CEP162: variants seen among roughly 807,000 people sequenced by gnomAD.
CEP162 encodes the protein centrosomal protein of 162 kDa.
Under a neutral mutation model 169.2 loss-of-function variants are expected in CEP162, and 141 were observed. The observed-to-expected ratio is 0.83, with a 90% CI of 0.73 to 0.96. CEP162 has a LOEUF of 0.96. Ranked by LOEUF, CEP162 falls within the 40% of genes least tolerant of loss-of-function variation. The pLI is 0.00. For missense variants in CEP162, 1,600 were observed against 1,587.2 expected, an observed-to-expected ratio of 1.01 and a Z score of -0.14; for synonymous variants, 540 against 526.4, an observed-to-expected ratio of 1.03 and a Z score of -0.35.
chr6:84,173,921 G>A (rs1370010777), intron 16 of CEP162, 127 bp downstream of exon 16: 10 of 659,998 alleles, frequency 1.5e-5, no homozygotes, highest in Non-Finnish European at 2.3e-5. Flanking sequence ...CTGACCTCAG[G>A]TGATCCGCCC....
At chr6:84,125,932 G>A (rs2099508764) in intron 26 of CEP162, among the ~76,000 whole-genome samples, 1 of 152,086 alleles carries the variant, frequency 6.6e-6, no homozygotes, top group South Asian at 2.1e-4. Flanking sequence ...AACACATCAT[G>A]CCCTTACATC....
At chr6:84,158,925 T>G (rs1478286502) in intron 21 of CEP162, among the ~76,000 whole-genome samples, 3 of 151,776 alleles carry the variant, frequency 2.0e-5, no homozygotes, top group African/African-American at 7.2e-5. Context: ...AAGTAAATTT[T>G]TTTTAACTCT....
chr6:84,162,176 TA>T (rs1411341427), intron 19 of CEP162, among the ~76,000 whole-genome samples: 1 of 152,182 alleles, frequency 6.6e-6, no homozygotes, highest in Admixed American at 6.6e-5. Context: ...TATTTTCCAC[TA>T]ACCTTTTTAA....
intron 6 of CEP162, among the ~76,000 whole-genome samples, chr6:84,210,069 T>C (rs1035954993): frequency 1.3e-5 from 2 of 152,196 alleles, no homozygotes; most frequent in African/African-American, 4.8e-5. Flanking sequence ...ACATCAGAGA[T>C]AATATCTAGA....
At chr6:84,206,742 C>T (rs1272213795) in intron 6 of CEP162, among the ~76,000 whole-genome samples, 1 of 152,170 alleles carries the variant, frequency 6.6e-6, no homozygotes, top group Non-Finnish European at 1.5e-5. Flanking sequence ...AACCAAAGAG[C>T]TTCTGCACAG....
chr6:84,200,753 T>C (rs2099544119), intron 9 of CEP162, 36 bp downstream of exon 9: 1 of 1,012,548 alleles, frequency 9.9e-7, no homozygotes, highest in African/African-American at 1.6e-5. Context: ...AAGCATTCCA[T>C]ATTTAGAGAA....
intron 16 of CEP162, among the ~76,000 whole-genome samples, chr6:84,172,114 G>A (rs1235280999): frequency 6.7e-6 from 1 of 149,758 alleles, no homozygotes; most frequent in Non-Finnish European, 1.5e-5. Flanking sequence ...CAAGAGAGGG[G>A]AAAAAAAAAA....
At chr6:84,225,328 A>G (rs571548697) in intron 2 of CEP162, among the ~76,000 whole-genome samples, 21 of 152,342 alleles carry the variant, frequency 1.4e-4, no homozygotes, top group African/African-American at 4.3e-4. Flanking sequence ...GCTGTTCAGC[A>G]TGTACTGTAC....
At chr6:84,141,335 G>A (rs1463598427) in intron 25 of CEP162, among the ~76,000 whole-genome samples, 1 of 151,926 alleles carries the variant, frequency 6.6e-6, no homozygotes, top group Non-Finnish European at 1.5e-5. Flanking sequence ...ATTTAAAAGA[G>A]GGCATAAAAG....
intron 5 of CEP162, among the ~76,000 whole-genome samples, chr6:84,214,484 T>A (rs1226708260): frequency 1.4e-4 from 22 of 152,112 alleles, no homozygotes; most frequent in Admixed American, 1.4e-3. Flanking sequence ...GTCAACATCA[T>A]AAAACCGGAA....
Position 84,160,882 on chromosome 6 carries a change from G to A in CEP162, c.2711C>T (p.Ser904Phe). 2 of 1,612,726 alleles carry A rather than the reference G, an allele frequency of 1.2e-6. No homozygotes were observed. The highest frequency in any genetic ancestry group is 1.7e-6 in the Non-Finnish European group (2 of 1,179,224). ...EKLKAESGNP[S>F]IRQKIRLKDK... is the part of the protein sequence containing the mutation. Reference sequence around the variant, plus strand: ...TTTTAAGCGTATCTTCTGCCGAATAGATGGATTCCCAGATTCAGCTTTCAG... The same window carrying A: ...TTTTAAGCGTATCTTCTGCCGAATAAATGGATTCCCAGATTCAGCTTTCAG... The change falls in exon 21 of 27, where the codon TCT becomes TTT. Residue 904 changes from serine (S) to phenylalanine (F), a missense_variant. By Grantham distance (155) the Ser-to-Phe change is radical. Coordinates refer to ENST00000403245, the MANE Select transcript of CEP162 (RefSeq NM_014895.4).
chr6:84,201,107 T>C (rs1199735280), intron 8 of CEP162, among the ~76,000 whole-genome samples: 2 of 152,082 alleles, frequency 1.3e-5, no homozygotes, highest in African/African-American at 4.8e-5. Flanking sequence ...TGAAACCCCG[T>C]CTCTATTAAA....
chr6:84,149,515 A>T (rs892772548), intron 24 of CEP162, 47 bp downstream of exon 24: 31 of 1,467,980 alleles, frequency 2.1e-5, no homozygotes, highest in Non-Finnish European at 2.7e-5. Context: ...CATTAAAGTC[A>T]AAACGAGTTT....
At chr6:84,209,827 G>C (rs945457513) in intron 6 of CEP162, among the ~76,000 whole-genome samples, 1 of 151,256 alleles carries the variant, frequency 6.6e-6, no homozygotes, top group African/African-American at 2.5e-5. Flanking sequence ...GCAAATACTA[G>C]CATCCAGTAC....
intron 6 of CEP162, among the ~76,000 whole-genome samples, chr6:84,207,503 T>C (rs1443624608): frequency 1.5e-5 from 2 of 134,280 alleles, no homozygotes; most frequent in African/African-American, 5.7e-5. Flanking sequence ...CACTTATAGG[T>C]GGGGATTGAA....
chr6:84,165,594 A>G (rs1345631514), intron 18 of CEP162, among the ~76,000 whole-genome samples: 1 of 152,018 alleles, frequency 6.6e-6, no homozygotes, highest in Non-Finnish European at 1.5e-5. Flanking sequence ...CTCTACGGGG[A>G]CCAACACTGA....
intron 7 of CEP162, among the ~76,000 whole-genome samples, chr6:84,203,031 C>T (rs1435737938): frequency 6.6e-6 from 1 of 152,076 alleles, no homozygotes; most frequent in African/African-American, 2.4e-5. Context: ...AGAGACTGTG[C>T]CCAGATAGAG....
chr6:84,220,122 T>C (rs2127755182), intron 3 of CEP162, among the ~76,000 whole-genome samples: 3 of 152,208 alleles, frequency 2.0e-5, no homozygotes, highest in Admixed American at 2.0e-4. Flanking sequence ...AGTCAGATCA[T>C]GCAGAGTCTT....
chr6:84,193,525 A>G (rs941619453), intron 11 of CEP162, 84 bp downstream of exon 11: 23 of 743,102 alleles, frequency 3.1e-5, no homozygotes, highest in Non-Finnish European at 4.9e-5. Flanking sequence ...AGTATTAGTC[A>G]TTAATCATTC....
Sources: allele counts gnomAD v4.1 joint callset (sites outside exome capture counted in the v4.1 genomes callset), GRCh38; gene constraint gnomAD v4.1.1; transcripts MANE v1.5; gene names NCBI Gene and HGNC (gene_info 2026-07-23, HGNC 2026-07-21).